The following LINGO2 variants were observed in gnomAD, a reference collection of about 807,000 sequenced individuals.
LINGO2 encodes the protein leucine rich repeat and Ig domain containing 2, also known as leucine-rich repeat and immunoglobulin-like domain-containing nogo receptor-interacting protein 2.
A neutral mutation model predicts 30.6 loss-of-function variants in LINGO2; 14 were observed. The ratio of observed to expected loss-of-function variants is 0.46; its 90% CI spans 0.30 to 0.72. LINGO2 has a LOEUF of 0.72. Among genes scored for constraint, LINGO2 ranks in the 30% least tolerant of loss-of-function variants. The pLI is 0.07. For missense variants in LINGO2, 729 were observed against 751.7 expected, an observed-to-expected ratio of 0.97 and a Z score of 0.35; for synonymous variants, 317 against 288.5, an observed-to-expected ratio of 1.10 and a Z score of -1.00.
intron 5 of LINGO2, among the ~76,000 whole-genome samples, chr9:28,002,370 C>T (rs1822004587): frequency 6.6e-6 from 1 of 152,038 alleles, no homozygotes; most frequent in Admixed American, 6.5e-5. Context: ...AGTACCACAA[C>T]TGAGAAAGAA....
At chr9:27,945,508 C>T (rs1450541818), downstream of LINGO2, among the ~76,000 whole-genome samples, 3 of 152,066 alleles carry the variant, frequency 2.0e-5, no homozygotes, top group Admixed American at 1.3e-4. Flanking sequence ...TGAGCAAAAC[C>T]AGAGTGGAAT....
chr9:28,765,344 C>T, the LINGO2 span, among the ~76,000 whole-genome samples: 1 of 151,904 alleles, frequency 6.6e-6, no homozygotes, highest in African/African-American at 2.4e-5. Flanking sequence ...AGAATAAAAC[C>T]CAAGAATACA....
intron 4 of LINGO2, among the ~76,000 whole-genome samples, chr9:28,014,137 C>T (rs1242250128): frequency 1.3e-5 from 2 of 152,076 alleles, no homozygotes; most frequent in African/African-American, 4.8e-5. Flanking sequence ...AATCTGCAGG[C>T]CTTATTCAAT....
At chr9:27,984,246 C>A (rs544092027) in intron 5 of LINGO2, among the ~76,000 whole-genome samples, 23 of 151,796 alleles carry the variant, frequency 1.5e-4, no homozygotes, top group Non-Finnish European at 3.1e-4. Context: ...ATGAGGGTAA[C>A]AGGTTTATGA....
chr9:28,521,974 A>G (rs1457111174), intron 1 of LINGO2, among the ~76,000 whole-genome samples: 1 of 152,224 alleles, frequency 6.6e-6, no homozygotes, highest in Non-Finnish European at 1.5e-5. Flanking sequence ...CCTTCTCTGT[A>G]TCCATCGAGG....
intron 5 of LINGO2, among the ~76,000 whole-genome samples, chr9:28,010,259 A>C (rs561223564): frequency 1.3e-5 from 2 of 152,264 alleles, no homozygotes; most frequent in East Asian, 1.9e-4. Flanking sequence ...TTTAGCATTA[A>C]ATTTTCTTTT....
intron 1 of LINGO2, among the ~76,000 whole-genome samples, chr9:28,519,981 T>C (rs1273848320): frequency 1.3e-5 from 2 of 152,198 alleles, no homozygotes; most frequent in Non-Finnish European, 2.9e-5. Flanking sequence ...GTTAAAAAAA[T>C]ACATATAATG....
At chr9:28,106,562 A>G (rs1826599153) in intron 4 of LINGO2, among the ~76,000 whole-genome samples, 1 of 152,144 alleles carries the variant, frequency 6.6e-6, no homozygotes, top group South Asian at 2.1e-4. Flanking sequence ...AGCCATATAC[A>G]TATCCTCAAT....
At chr9:28,433,949 C>CTATATATATATATATATATAAATATATA (rs375073572) in intron 2 of LINGO2, among the ~76,000 whole-genome samples, 5 of 88,476 alleles carry the variant, frequency 5.7e-5, no homozygotes, top group African/African-American at 2.2e-4. Flanking sequence ...CTCTCTCTCT[C>CTATATATATATATATATATAAATATATA]TATATATATA....
At chr9:28,128,580 G>C (rs887557056) in intron 4 of LINGO2, among the ~76,000 whole-genome samples, 1 of 152,076 alleles carries the variant, frequency 6.6e-6, no homozygotes, top group Admixed American at 6.6e-5. Context: ...GTTGGATAAG[G>C]GCTGCAGTTA....
chr9:28,987,654 T>C, the LINGO2 span, among the ~76,000 whole-genome samples: 1 of 152,154 alleles, frequency 6.6e-6, no homozygotes, highest in East Asian at 1.9e-4. Context: ...AGATCCCTCT[T>C]CTTTTGTAAT....
At chr9:28,669,263 T>G (rs1828923523) in intron 1 of LINGO2, among the ~76,000 whole-genome samples, 1 of 152,124 alleles carries the variant, frequency 6.6e-6, no homozygotes, top group Non-Finnish European at 1.5e-5. Flanking sequence ...TTGAGACAAG[T>G]GGACTTGGCT....
the LINGO2 span, among the ~76,000 whole-genome samples, chr9:29,026,151 G>T: frequency 1.3e-5 from 2 of 151,912 alleles, no homozygotes; most frequent in African/African-American, 4.8e-5. Context: ...TCCCACCTCA[G>T]ATTCCTAAGT....
chr9:28,482,053 T>C (rs910153625), intron 1 of LINGO2, among the ~76,000 whole-genome samples: 1 of 152,140 alleles, frequency 6.6e-6, no homozygotes, highest in Admixed American at 6.6e-5. Flanking sequence ...TTCCAAGTCT[T>C]TGCTATTGTG....
At chr9:28,083,131 T>A (rs1225674038) in intron 4 of LINGO2, among the ~76,000 whole-genome samples, 1 of 152,184 alleles carries the variant, frequency 6.6e-6, no homozygotes, top group East Asian at 1.9e-4. Context: ...GAGACTCACA[T>A]GCATTGCTAA....
the LINGO2 span, among the ~76,000 whole-genome samples, chr9:29,030,130 C>T: frequency 1.3e-5 from 2 of 151,930 alleles, no homozygotes; most frequent in Admixed American, 1.3e-4. Context: ...TGAATTGAGT[C>T]CTATTTTAGG....
intron 1 of LINGO2, among the ~76,000 whole-genome samples, chr9:28,547,098 A>G (rs1821988640): frequency 6.6e-6 from 1 of 152,102 alleles, no homozygotes. Context: ...GAGACACTAA[A>G]CATGTCTCCA....
intron 1 of LINGO2, among the ~76,000 whole-genome samples, chr9:28,662,733 C>A (rs1488199541): frequency 6.6e-6 from 1 of 152,030 alleles, no homozygotes; most frequent in African/African-American, 2.4e-5. Flanking sequence ...GTAAATATTG[C>A]AAAGTACTTA....
intron 4 of LINGO2, among the ~76,000 whole-genome samples, chr9:28,099,330 A>T (rs1369918745): frequency 6.6e-6 from 1 of 152,166 alleles, no homozygotes; most frequent in East Asian, 1.9e-4. Context: ...AAGGCTTTTT[A>T]TTTTTGAAAA....
Sources: gnomAD v4.1 joint callset for allele counts (sites outside exome capture counted in the v4.1 genomes callset) on GRCh38, gnomAD v4.1.1 for gene constraint, MANE v1.5 for transcripts, NCBI Gene and HGNC (gene_info 2026-07-23, HGNC 2026-07-21) for gene names.